The following CDKN2A variants were observed in gnomAD, a reference collection of about 807,000 sequenced individuals.
The protein encoded by CDKN2A is cyclin-dependent kinase inhibitor 2A.
CDKN2A carries 3 observed loss-of-function variants against 11.1 expected under a neutral mutation model. The observed-to-expected ratio is 0.27, with a 90% CI of 0.12 to 0.70. CDKN2A has a LOEUF of 0.70. Ranked by LOEUF, CDKN2A falls within the 30% of genes least tolerant of loss-of-function variation. The pLI, the probability that CDKN2A is intolerant of heterozygous loss-of-function variation, is 0.77. For synonymous variants in CDKN2A, 122 were observed against 108.1 expected, an observed-to-expected ratio of 1.13 and a Z score of -0.80; for missense variants, 265 against 233.6, an observed-to-expected ratio of 1.13 and a Z score of -0.88.
In CDKN2A at chr9:21,974,571, C is replaced by T. The variant is rs1289280947; in HGVS notation, c.150+107G>A. ...TTCTGAAAACTCCCCAGGAAGCCTC[C>T]CCTTTTTCCGGAGAATCGAAGCGCT... On this transcript the variant is annotated intron_variant, in intron 1 of 2. Coordinates refer to ENST00000304494, the MANE Select transcript of CDKN2A (RefSeq NM_000077.5). The surrounding 1 kb of genome is among the most constrained non-coding windows in gnomAD (Gnocchi z 5.2). 6.2e-7 allele frequency: 1 copy of T among 1,613,756 alleles called. No homozygotes were observed. The highest frequency in any genetic ancestry group is 1.7e-5 in the Admixed American group (1 of 60,028).
In CDKN2A at chr9:21,968,331, G is replaced by T; in HGVS notation, c.458-89C>A. The T allele has an allele frequency of 6.4e-7, 1 of 1,555,252 alleles. No homozygotes were observed. The highest frequency in any genetic ancestry group is 1.1e-5 in the South Asian group (1 of 88,810). On this transcript the variant is annotated intron_variant, in intron 2 of 2. Coordinates refer to ENST00000304494, the MANE Select transcript of CDKN2A (RefSeq NM_000077.5). The surrounding 1 kb of genome is among the most constrained non-coding windows in gnomAD (Gnocchi z 4.7). The stretch of plus-strand genomic sequence containing the variant: ...GCCCTCCTCTCTTGCCGTCCCTACC[G>T]GCATTGAAATACTTATGGATAAAGT...
chr9:21,993,547 C>T (rs1313019772), intron 2 of CDKN2A, among the ~76,000 whole-genome samples: 1 of 152,150 alleles, frequency 6.6e-6, no homozygotes, highest in Non-Finnish European at 1.5e-5. Flanking sequence ...TCCCTGTTGG[C>T]TGCAAAACTC....
chr9:21,968,414 G>C lies in CDKN2A; in HGVS notation c.458-172C>G. ...GCCACCGCTCTCCCACACCTCCCTG[G>C]TCCAGCAGCTAGTCCACTGCCCGCC... On this transcript the variant is annotated intron_variant, in intron 2 of 2. Coordinates refer to ENST00000304494, the MANE Select transcript of CDKN2A (RefSeq NM_000077.5). The surrounding 1 kb of genome is among the most constrained non-coding windows in gnomAD (Gnocchi z 4.7). The C allele has an allele frequency of 1.0e-6, 1 of 978,388 alleles. No individual in the cohort carries two copies. Among genetic ancestry groups the C allele is most frequent in the Non-Finnish European group, 1.2e-6 (1 of 823,478 alleles). The allele number at this position is 978,388 out of a possible 1,614,324, so 60.6% of individuals were successfully genotyped here.
In CDKN2A at chr9:21,968,611, C is replaced by G; in HGVS notation, c.458-369G>C. ...CGAAGGCGTGAAGATGTGGCCTTTC[C>G]CTTCCCGCATCCCCAGGCATCTTTT... On this transcript the variant is annotated intron_variant, in intron 2 of 2. Coordinates refer to ENST00000304494, the MANE Select transcript of CDKN2A (RefSeq NM_000077.5). The surrounding 1 kb of genome is among the most constrained non-coding windows in gnomAD (Gnocchi z 4.7). 6.6e-7 allele frequency: 1 copy of G among 1,506,550 alleles called. No homozygotes were observed. Among genetic ancestry groups the G allele is most frequent in the Non-Finnish European group, 8.8e-7 (1 of 1,132,182 alleles). The allele number at this position is 1,506,550 out of a possible 1,614,324, so 93.3% of individuals were successfully genotyped here. A position where few individuals can be genotyped will look rare whatever the true frequency, so the allele number is the denominator to read the frequency against.
rs1293752511 is a variant in CDKN2A at position 21,970,590 on chromosome 9, T to C, written c.457+312A>G. ...AAGAGGGGGCACTAGACCTCTAGCC[T>C]CTTGAGTCTTCATTGCTCCGCAGTC... On this transcript the variant is annotated intron_variant, in intron 2 of 2. Coordinates refer to ENST00000304494, the MANE Select transcript of CDKN2A (RefSeq NM_000077.5). 6.8e-6 allele frequency: 4 copies of C among 585,330 alleles called. No individual in the cohort carries two copies. In the East Asian group the frequency reaches 8.5e-5, roughly 13 times the overall value. The allele number at this position is 585,330 out of a possible 1,614,324, so 36.3% of individuals were successfully genotyped here.
At chr9:21,993,692 C>T (rs1357053408) in intron 2 of CDKN2A, among the ~76,000 whole-genome samples, 2 of 152,138 alleles carry the variant, frequency 1.3e-5, no homozygotes, top group African/African-American at 4.8e-5. Flanking sequence ...AGAGGGTGAC[C>T]CCGCCGGGAG....
At chr9:21,979,226 G>C (rs531091345), upstream of CDKN2A, among the ~76,000 whole-genome samples, 72 of 152,326 alleles carry the variant, frequency 4.7e-4, 1 homozygote, top group African/African-American at 1.6e-3. Flanking sequence ...ACTTATTCCT[G>C]AAAACCAGCC....
intron 1 of CDKN2A, 102 bp from the exon 2 acceptor site, chr9:21,971,310 G>A: frequency 1.3e-6 from 2 of 1,530,762 alleles, no homozygotes; most frequent in Non-Finnish European, 1.7e-6. Context: ...CCCCACACAA[G>A]CCCCAGGTGT....
Position 21,968,438 on chromosome 9 carries a change from C to A in CDKN2A, c.458-196G>T. On this transcript the variant is annotated intron_variant, in intron 2 of 2. Transcript: ENST00000304494. The surrounding 1 kb of genome is among the most constrained non-coding windows in gnomAD (Gnocchi z 4.7). ...GGTCCAGCAGCTAGTCCACTGCCCG[C>A]CTGGCTGCTCCAGGCGCGCCGACCG... 1 of 1,498,320 alleles carries A rather than the reference C, an allele frequency of 6.7e-7. No homozygotes were observed. The highest frequency in any genetic ancestry group is 8.9e-7 in the Non-Finnish European group (1 of 1,126,066). The allele number at this position is 1,498,320 out of a possible 1,614,324, so 92.8% of individuals were successfully genotyped here.
intron 2 of CDKN2A, chr9:21,993,801 G>C (rs1279790909): frequency 2.0e-4 from 5 of 25,266 alleles, no homozygotes; most frequent in Admixed American, 9.4e-4. Flanking sequence ...CTTTCCTACT[G>C]TGTGTGTGTG....
chr9:21,993,260 A>G (rs1477656692), intron 2 of CDKN2A, among the ~76,000 whole-genome samples: 2 of 152,252 alleles, frequency 1.3e-5, no homozygotes, highest in Non-Finnish European at 2.9e-5. Flanking sequence ...CTGTACATAT[A>G]TTCTTTCAGT....
chr9:21,978,591 C>A (rs1197647186), upstream of CDKN2A, among the ~76,000 whole-genome samples: 2 of 152,172 alleles, frequency 1.3e-5, no homozygotes, highest in East Asian at 3.8e-4. Flanking sequence ...TATTATTATT[C>A]TCACACTTAC....
Position 21,968,966 on chromosome 9 carries a change from C to T in CDKN2A, c.458-724G>A, listed in dbSNP as rs1479206377. The stretch of plus-strand genomic sequence containing the variant: ...CTTTTTACGTTTATTCCTGAGGCAG[C>T]ATTTGCACTTGAGTTTCTTTCTCCC... On this transcript the variant is annotated intron_variant, in intron 2 of 2. Coordinates refer to ENST00000304494, the MANE Select transcript of CDKN2A (RefSeq NM_000077.5). The surrounding 1 kb of genome is among the most constrained non-coding windows in gnomAD (Gnocchi z 4.7). Among the ~76,000 whole-genome samples, 4 of 152,228 alleles carry T rather than the reference C, an allele frequency of 2.6e-5. No homozygotes were observed. Among genetic ancestry groups the T allele is most frequent in the Non-Finnish European group, 5.9e-5 (4 of 68,048 alleles).
intron 2 of CDKN2A, chr9:21,992,502 A>C (rs1820450849): frequency 1.3e-6 from 1 of 750,546 alleles, no homozygotes; most frequent in African/African-American, 1.9e-5. Context: ...AAAATGATCT[A>C]TTTCAATGAA....
At position 21,974,615 on chromosome 9, in the gene CDKN2A, T is replaced by G. The variant is rs759061855; in HGVS notation, c.150+63A>C. The G allele has an allele frequency of 6.2e-7, 1 of 1,614,142 alleles. No individual in the cohort carries two copies. The highest frequency in any genetic ancestry group is 8.5e-7 in the Non-Finnish European group (1 of 1,179,998). ...AAGCGCTACCTGATTCCAATTCCCC[T>G]GCAAACTTCGTCCTCCAGAGTCGCC... On this transcript the variant is annotated intron_variant, in intron 1 of 2. Transcript: ENST00000304494. The surrounding 1 kb of genome is among the most constrained non-coding windows in gnomAD (Gnocchi z 5.2).
chr9:21,970,798 A>G lies in CDKN2A; in HGVS notation c.457+104T>C, dbSNP rs527617126. On this transcript the variant is annotated intron_variant, in intron 2 of 2. Transcript: ENST00000304494. Reference sequence around the variant, plus strand: ...ACCGATTGGCGCGTGAGCTGAGGCAAGACCGGAGACTGGTCTCCCGGGCTG... The same window carrying G: ...ACCGATTGGCGCGTGAGCTGAGGCAGGACCGGAGACTGGTCTCCCGGGCTG... 5.4e-4 allele frequency: 756 copies of G among 1,411,182 alleles called. 5 individuals are homozygous for G. In the African/African-American group the frequency reaches 9.5e-3, roughly 18 times the overall value. The allele number at this position is 1,411,182 out of a possible 1,614,324, so 87.4% of individuals were successfully genotyped here. A position where few individuals can be genotyped will look rare whatever the true frequency, so the allele number is the denominator to read the frequency against.
rs745702441 is a variant in CDKN2A at position 21,970,963 on chromosome 9, C to A, written c.396G>T (p.Ala132=). ...TACTGCCTCTGGTGCCCCCCGCAGC[C>A]GCGCGCAGGTACCGTGCGACATCGC... ...GHRDVARYLR[A]AAGGTRGSNH... The change falls in exon 2 of 3, where the codon GCG becomes GCT. Residue 132 remains alanine (A), a synonymous_variant. Transcript: ENST00000304494. 6.2e-7 allele frequency: 1 copy of A among 1,611,774 alleles called. No individual in the cohort carries two copies. The highest frequency in any genetic ancestry group is 1.1e-5 in the South Asian group (1 of 91,048).
At chr9:21,989,449 CG>C (rs1178076379) in intron 2 of CDKN2A, 8 of 152,032 alleles carry the variant, frequency 5.3e-5, no homozygotes, top group Non-Finnish European at 8.8e-5. Flanking sequence ...GGAGAGACAT[CG>C]TCACTGGAAA....
At chr9:21,978,772 T>C (rs889026754), upstream of CDKN2A, among the ~76,000 whole-genome samples, 3 of 152,030 alleles carry the variant, frequency 2.0e-5, no homozygotes, top group Admixed American at 1.3e-4. Context: ...AGGGCAGACA[T>C]GGGGTGGGGG....
Sources: gnomAD v4.1 joint callset for allele counts (sites outside exome capture counted in the v4.1 genomes callset) on GRCh38, gnomAD v4.1.1 for gene constraint, Gnocchi (gnomAD v3.1) non-coding constraint, MANE v1.5 for transcripts, NCBI Gene and HGNC (gene_info 2026-07-23, HGNC 2026-07-21) for gene names.